PTPRD: variants seen among roughly 807,000 people sequenced by gnomAD.
The protein encoded by PTPRD is protein tyrosine phosphatase receptor type D, also known as receptor-type tyrosine-protein phosphatase delta.
A neutral mutation model predicts 214.5 loss-of-function variants in PTPRD; 34 were observed. The observed-to-expected ratio is 0.16, with a 90% CI of 0.12 to 0.21. The LOEUF (loss-of-function observed/expected upper bound fraction) is 0.21, where lower values mean the gene tolerates loss of function less well. Among genes scored for constraint, PTPRD ranks in the 10% least tolerant of loss-of-function variants. The pLI is 1.00. For missense variants in PTPRD, 2,545 were observed against 2,398.7 expected (o/e 1.06, Z -1.27); for synonymous variants, 1,128 against 845.7 (o/e 1.33, Z -5.79).
Position 9,938,495 on chromosome 9 carries a change from T to G in PTPRD, c.-368+12A>C, listed in dbSNP as rs567132376. The G allele has an allele frequency of 2.0e-4, 30 of 152,268 alleles. No individual in the cohort carries two copies. Among genetic ancestry groups the G allele is most frequent in the Admixed American group, 7.2e-4 (11 of 15,292 alleles). 9.4% of individuals were successfully genotyped at this position (152,268 alleles called of 1,614,324 possible). On this transcript the variant is annotated intron_variant, in intron 5 of 45. Coordinates refer to ENST00000381196, the MANE Select transcript of PTPRD (RefSeq NM_002839.4). ...CATGGGAAACTAGCATACCCAGTCA[T>G]ACTGAACTCACCTGGAGCCGAAGCC...
At chr9:8,973,009 A>AG (rs1233903127) in intron 11 of PTPRD, among the ~76,000 whole-genome samples, 2 of 116,266 alleles carry the variant, frequency 1.7e-5, no homozygotes, top group Non-Finnish European at 4.0e-5. Context: ...GCCCCCAGGG[A>AG]GAAAAAAAAA....
At chr9:8,362,959 T>G (rs918459449) in intron 39 of PTPRD, among the ~76,000 whole-genome samples, 1 of 152,226 alleles carries the variant, frequency 6.6e-6, no homozygotes, top group African/African-American at 2.4e-5. Flanking sequence ...AAATGAAGAT[T>G]TAAAGATCCA....
intron 10 of PTPRD, among the ~76,000 whole-genome samples, chr9:9,104,483 G>T (rs2099795728): frequency 6.6e-6 from 1 of 152,088 alleles, no homozygotes; most frequent in African/African-American, 2.4e-5. Flanking sequence ...ACTCAGGTAG[G>T]TGTTTTATAA....
intron 26 of PTPRD, among the ~76,000 whole-genome samples, chr9:8,495,776 G>T (rs1470117277): frequency 6.6e-6 from 1 of 152,110 alleles, no homozygotes; most frequent in African/African-American, 2.4e-5. Context: ...TGCTGCACTG[G>T]CAATCCCATG....
intron 9 of PTPRD, among the ~76,000 whole-genome samples, chr9:9,216,632 G>T (rs1269847687): frequency 6.6e-6 from 1 of 152,156 alleles, no homozygotes; most frequent in African/African-American, 2.4e-5. Flanking sequence ...GCTGGAAATT[G>T]TAGGTGTTCT....
chr9:8,868,684 A>G (rs1368686), intron 11 of PTPRD, among the ~76,000 whole-genome samples: 36,594 of 152,080 alleles, frequency 0.24, 4,703 homozygotes, highest in East Asian at 0.29. Flanking sequence ...TATTTTATAG[A>G]TGAAAAAGAA....
intron 4 of PTPRD, among the ~76,000 whole-genome samples, chr9:10,032,342 C>T (rs2097098154): frequency 6.6e-6 from 1 of 152,146 alleles, no homozygotes; most frequent in African/African-American, 2.4e-5. Context: ...TTCTACAATA[C>T]AGTGATCATA....
At chr9:9,710,990 G>T (rs1442126772) in intron 7 of PTPRD, among the ~76,000 whole-genome samples, 1 of 152,100 alleles carries the variant, frequency 6.6e-6, no homozygotes, top group Admixed American at 6.6e-5. Flanking sequence ...GTGTGTGTGT[G>T]TGTGTATGCA....
At chr9:9,289,584 T>C (rs1950520243) in intron 9 of PTPRD, among the ~76,000 whole-genome samples, 1 of 151,922 alleles carries the variant, frequency 6.6e-6, no homozygotes, top group Middle Eastern at 3.4e-3. Context: ...CTTATTCATC[T>C]TACAATTCAA....
chr9:8,440,380 A>G (rs1355023251), intron 34 of PTPRD, among the ~76,000 whole-genome samples: 2 of 151,644 alleles, frequency 1.3e-5, no homozygotes, highest in African/African-American at 2.4e-5. Flanking sequence ...CAGTGGTGCA[A>G]TCTCGGCTCA....
intron 14 of PTPRD, among the ~76,000 whole-genome samples, chr9:8,612,035 T>C (rs2095471513): frequency 6.6e-6 from 1 of 151,978 alleles, no homozygotes; most frequent in South Asian, 2.1e-4. Context: ...GCATTCATTA[T>C]AACTTCCAGA....
intron 8 of PTPRD, among the ~76,000 whole-genome samples, chr9:9,464,816 T>C (rs1206061740): frequency 6.6e-6 from 1 of 152,202 alleles, no homozygotes; most frequent in African/African-American, 2.4e-5. Context: ...GTGTCCTTTC[T>C]TACCCAGGTC....
chr9:10,557,507 C>A (rs947525819), intron 2 of PTPRD, among the ~76,000 whole-genome samples: 8 of 152,080 alleles, frequency 5.3e-5, no homozygotes, highest in African/African-American at 1.9e-4. Flanking sequence ...TAAGTTAGAT[C>A]CAGCTTTCCC....
intron 14 of PTPRD, among the ~76,000 whole-genome samples, chr9:8,605,852 G>T (rs1265178739): frequency 6.6e-6 from 1 of 152,108 alleles, no homozygotes; most frequent in Admixed American, 6.5e-5. Context: ...CATCCTACCA[G>T]CTATTACAGC....
intron 9 of PTPRD, among the ~76,000 whole-genome samples, chr9:9,312,628 C>A (rs1959543029): frequency 6.6e-6 from 1 of 152,034 alleles, no homozygotes; most frequent in South Asian, 2.1e-4. Flanking sequence ...TGTGAGTACA[C>A]CCTGTGATGG....
chr9:9,714,199 T>C (rs2097780863), intron 7 of PTPRD, among the ~76,000 whole-genome samples: 2 of 152,174 alleles, frequency 1.3e-5, no homozygotes, highest in Non-Finnish European at 2.9e-5. Flanking sequence ...TTAATTGATT[T>C]ATATGCTACT....
chr9:8,912,158 T>C (rs1006507259), intron 11 of PTPRD, among the ~76,000 whole-genome samples: 4 of 152,152 alleles, frequency 2.6e-5, no homozygotes, highest in African/African-American at 9.7e-5. Flanking sequence ...TCTTAGGTGT[T>C]TACCCAAGAG....
At chr9:8,441,623 T>C (rs767036629) in intron 34 of PTPRD, among the ~76,000 whole-genome samples, 1 of 152,042 alleles carries the variant, frequency 6.6e-6, no homozygotes, top group Admixed American at 6.6e-5. Context: ...AGTGACAGAC[T>C]GCATGCTTGT....
chr9:10,057,358 T>A (rs2097672330), intron 3 of PTPRD, among the ~76,000 whole-genome samples: 1 of 152,030 alleles, frequency 6.6e-6, no homozygotes, highest in African/African-American at 2.4e-5. Context: ...CACAAAGATG[T>A]TGAGGAGGTG....
Sources: allele counts gnomAD v4.1 joint callset (sites outside exome capture counted in the v4.1 genomes callset), GRCh38; gene constraint gnomAD v4.1.1; transcripts MANE v1.5; gene names NCBI Gene and HGNC (gene_info 2026-07-23, HGNC 2026-07-21).